ZBTB40: variants seen among roughly 807,000 people sequenced by gnomAD.
ZBTB40 encodes the protein zinc finger and BTB domain-containing protein 40.
ZBTB40 carries 60 observed loss-of-function variants against 117.5 expected under a neutral mutation model. The observed-to-expected ratio is 0.51, with a 90% CI of 0.41 to 0.63. The LOEUF is 0.63. ZBTB40 is among the 30% of genes least tolerant of loss of function. The probability of loss-of-function intolerance (pLI) is 0.00; values close to 1 mark genes in which losing one functional copy is unlikely to be tolerated. For missense variants in ZBTB40, 1,287 were observed against 1,498.5 expected, an observed-to-expected ratio of 0.86 and a Z score of 2.33; for synonymous variants, 525 against 577.1, an observed-to-expected ratio of 0.91 and a Z score of 1.29.
In ZBTB40 at chr1:22,467,062, G is replaced by A. The variant is rs1478480906; in HGVS notation, c.-70+15058G>A. 4.0e-5 allele frequency among the ~76,000 whole-genome samples: 6 copies of A among 151,548 alleles called. No individual in the cohort carries two copies. The East Asian group carries it at 9.6e-4, about 24-fold the overall frequency. On this transcript the variant is annotated intron_variant, in intron 1 of 17. Transcript: ENST00000375647. The stretch of plus-strand genomic sequence containing the variant: ...TCGTATATTTAAGTTTGTCTGCAGG[G>A]TTTTTTTTAACCATTAATACTATTG...
chr1:22,431,865 T>C (rs1640595916), intron 1 of ZBTB40, among the ~76,000 whole-genome samples: 1 of 152,216 alleles, frequency 6.6e-6, no homozygotes, highest in Admixed American at 6.5e-5. Flanking sequence ...TTTGGGTAAG[T>C]AATATGTTTA....
chr1:22,509,383 G>A, intron 9 of ZBTB40, 150 bp downstream of exon 9: 1 of 1,223,312 alleles, frequency 8.2e-7, no homozygotes, highest in South Asian at 1.3e-5. Context: ...GTCTTGCTCT[G>A]TCGCCCAGGC....
intron 1 of ZBTB40, among the ~76,000 whole-genome samples, chr1:22,458,778 A>G (rs1039241316): frequency 1.3e-5 from 2 of 152,206 alleles, no homozygotes; most frequent in Non-Finnish European, 2.9e-5. Context: ...TTTGGTAGAG[A>G]TGGGGTTTCA....
At chr1:22,509,722 C>T (rs1473922030) in intron 9 of ZBTB40, among the ~76,000 whole-genome samples, 1 of 152,212 alleles carries the variant, frequency 6.6e-6, no homozygotes, top group African/African-American at 2.4e-5. Context: ...TCCAGCTCTA[C>T]ATGGCAGGTG....
chr1:22,524,314 A>G lies in ZBTB40; in HGVS notation c.3395A>G (p.Glu1132Gly), dbSNP rs760879486. The G allele has an allele frequency of 6.2e-7, 1 of 1,614,168 alleles. No individual in the cohort carries two copies. Among genetic ancestry groups the G allele is most frequent in the South Asian group, 1.1e-5 (1 of 91,080 alleles). ...HVTTEHFKQSETTFPCELCGE... is the reference protein window; with the variant it reads ...HVTTEHFKQSGTTFPCELCGE... ...ACCACGGAGCACTTCAAGCAGTCAG[A>G]GACCACCTTCCCCTGTGAGCTCTGT... The change falls in exon 17 of 18, where the codon GAG (glutamate) becomes GGG (glycine). Residue 1132 changes from glutamate (E) to glycine (G), a missense_variant. Transcript: ENST00000375647.
intron 1 of ZBTB40, among the ~76,000 whole-genome samples, chr1:22,481,038 A>T (rs1638293339): frequency 6.6e-6 from 1 of 152,076 alleles, no homozygotes; most frequent in Non-Finnish European, 1.5e-5. Context: ...CCTGTACAGG[A>T]GTTTGAAACC....
chr1:22,444,104 C>T (rs1640762145), intron 1 of ZBTB40, among the ~76,000 whole-genome samples: 1 of 152,122 alleles, frequency 6.6e-6, no homozygotes, highest in Admixed American at 6.6e-5. Flanking sequence ...GTGGTTGTTA[C>T]ACTGTCTCTC....
At chr1:22,444,003 T>C (rs1383506548) in intron 1 of ZBTB40, among the ~76,000 whole-genome samples, 1 of 152,046 alleles carries the variant, frequency 6.6e-6, no homozygotes, top group African/African-American at 2.4e-5. Context: ...AGAATGGGGG[T>C]CCCTTTGTTC....
At chr1:22,437,764 C>T (rs543151418) in intron 1 of ZBTB40, among the ~76,000 whole-genome samples, 136 of 151,810 alleles carry the variant, frequency 9.0e-4, no homozygotes, top group Admixed American at 2.0e-3. Context: ...GTTAGTGTTA[C>T]GAAATACAAT....
intron 12 of ZBTB40, among the ~76,000 whole-genome samples, chr1:22,515,488 C>T (rs2124464096): frequency 6.6e-6 from 1 of 152,334 alleles, no homozygotes; most frequent in East Asian, 1.9e-4. Context: ...AAGCTTTCGG[C>T]AGAGTTCCTT....
Position 22,489,888 on chromosome 1 carries a change from C to A in ZBTB40, c.-61C>A. The stretch of plus-strand genomic sequence containing the variant: ...TTTGTGGGTTTCTCTAGGGCCTGTC[C>A]TCCCAAAGCCAACTCTAAGGAGAGG... On this transcript the variant is annotated 5_prime_UTR_variant, in exon 2 of 18. Coordinates refer to ENST00000375647, the MANE Select transcript of ZBTB40 (RefSeq NM_014870.4). The A allele has an allele frequency of 6.4e-7, 1 of 1,555,356 alleles. No individual in the cohort carries two copies. Among genetic ancestry groups the A allele is most frequent in the Non-Finnish European group, 8.8e-7 (1 of 1,138,836 alleles).
chr1:22,460,612 T>G (rs1641107805), intron 1 of ZBTB40, among the ~76,000 whole-genome samples: 1 of 152,186 alleles, frequency 6.6e-6, no homozygotes, highest in African/African-American at 2.4e-5. Flanking sequence ...AGAGTAGCAT[T>G]ATGAGCTCCC....
intron 17 of ZBTB40, among the ~76,000 whole-genome samples, chr1:22,525,427 T>C (rs1639651056): frequency 6.6e-6 from 1 of 152,256 alleles, no homozygotes; most frequent in African/African-American, 2.4e-5. Context: ...TGCTCTTCAC[T>C]GATTCTCAAG....
intron 1 of ZBTB40, among the ~76,000 whole-genome samples, chr1:22,446,265 G>C (rs1640788693): frequency 6.8e-6 from 1 of 146,294 alleles, no homozygotes. Flanking sequence ...AAACAAAACA[G>C]AATGTCCTAG....
chr1:22,482,479 C>T (rs1237792236), intron 1 of ZBTB40, among the ~76,000 whole-genome samples: 1 of 152,164 alleles, frequency 6.6e-6, no homozygotes, highest in Non-Finnish European at 1.5e-5. Flanking sequence ...GATGAACCTA[C>T]ATTGACACAT....
At position 22,490,441 on chromosome 1, in the gene ZBTB40, G is replaced by T; in HGVS notation, c.493G>T (p.Ala165Ser). The change falls in exon 2 of 18, where the codon GCC becomes TCC. Residue 165 changes from alanine to serine, a missense_variant. Ala to Ser is a moderately conservative substitution (Grantham distance 99). Transcript: ENST00000375647. ...GCCTCATTCTTCCCCAGAGCTTGCT[G>T]CCACTCCAGGGGGCCCTGTGAAAGC... ...GEPHSSPELA[A>S]TPGGPVKAET... 6.2e-7 allele frequency: 1 copy of T among 1,606,030 alleles called. No individual in the cohort carries two copies. The highest frequency in any genetic ancestry group is 8.5e-7 in the Non-Finnish European group (1 of 1,175,064).
Position 22,511,863 on chromosome 1 carries a change from C to T in ZBTB40, c.2190C>T (p.Asp730=), listed in dbSNP as rs1639246397. ...QQEKEASASP[D]PAKKSFICKA... ...AGAAAGAGGCTTCAGCCTCCCCAGA[C>T]CCTGCCAAGAAGAGCTTCATCTGTA... The change falls in exon 11 of 18, where the codon GAC becomes GAT. Residue 730 remains aspartate, a synonymous_variant. Transcript: ENST00000375647. 1 of 1,614,172 alleles carries T rather than the reference C, an allele frequency of 6.2e-7. No individual in the cohort carries two copies. Among genetic ancestry groups the T allele is most frequent in the Non-Finnish European group, 8.5e-7 (1 of 1,180,028 alleles).
chr1:22,481,265 CTG>C (rs1315316417), intron 1 of ZBTB40, among the ~76,000 whole-genome samples: 1 of 152,042 alleles, frequency 6.6e-6, no homozygotes, highest in Non-Finnish European at 1.5e-5. Flanking sequence ...TGCCAAAAGT[CTG>C]TTTTTTAATT....
At chr1:22,476,779 G>T (rs565976306) in intron 1 of ZBTB40, among the ~76,000 whole-genome samples, 1 of 152,154 alleles carries the variant, frequency 6.6e-6, no homozygotes, top group Non-Finnish European at 1.5e-5. Context: ...GTACTCTTCT[G>T]TTGCTTAAAC....
Sources: gnomAD v4.1 joint callset for allele counts (sites outside exome capture counted in the v4.1 genomes callset) on GRCh38, gnomAD v4.1.1 for gene constraint, MANE v1.5 for transcripts, NCBI Gene and HGNC (gene_info 2026-07-23, HGNC 2026-07-21) for gene names.